Variants in TLN2 observed in about 807,000 individuals in gnomAD.
The protein encoded by TLN2 is talin-2.
In TLN2, 118 loss-of-function variants were observed where a neutral mutation model predicts 294.7. The observed-to-expected ratio is 0.40, with a 90% CI of 0.34 to 0.47. The LOEUF is 0.47. TLN2 is among the 20% of genes least tolerant of loss of function. The pLI is 0.84. For synonymous variants in TLN2, 1,431 were observed against 1,304.5 expected (o/e 1.10, Z -2.09); for missense variants, 3,083 against 3,282.2 (o/e 0.94, Z 1.48).
intron 1 of TLN2, among the ~76,000 whole-genome samples, chr15:62,411,542 TC>T (rs1023204514): frequency 6.6e-6 from 1 of 151,848 alleles, no homozygotes; most frequent in African/African-American, 2.4e-5. Flanking sequence ...TATTTTTTTT[TC>T]TTTTGGGTCA....
At chr15:62,407,851 G>A (rs2033507887) in intron 1 of TLN2, among the ~76,000 whole-genome samples, 1 of 152,108 alleles carries the variant, frequency 6.6e-6, no homozygotes, top group African/African-American at 2.4e-5. Context: ...GGAGGCAGAG[G>A]TTATGGTGAG....
intron 54 of TLN2, among the ~76,000 whole-genome samples, chr15:62,825,789 T>TATATTATATATATAATATATTA (rs1491491748): frequency 4.8e-5 from 4 of 83,596 alleles, no homozygotes; most frequent in African/African-American, 2.9e-4. Context: ...ATATTATATA[T>TATATTATATATATAATATATTA]TATAATATAT....
At chr15:62,541,302 T>C (rs562732267) in intron 1 of TLN2, among the ~76,000 whole-genome samples, 1 of 152,344 alleles carries the variant, frequency 6.6e-6, no homozygotes, top group East Asian at 1.9e-4. Context: ...GTAAATATCT[T>C]GTATTGACTA....
Position 62,783,807 on chromosome 15 carries a change from G to A in TLN2, c.5653G>A (p.Gly1885Arg), listed in dbSNP as rs2064403492. 5.0e-6 allele frequency: 8 copies of A among 1,612,056 alleles called. No homozygotes were observed. Among genetic ancestry groups the A allele is most frequent in the Non-Finnish European group, 6.8e-6 (8 of 1,178,286 alleles). Residue 1885 changes from glycine to arginine, a missense_variant, in exon 45 of 59, where the codon GGA becomes AGA. Transcript: ENST00000636159. ...GGTTACTAACCCGGAGGAGTTGGGA[G>A]GACTGGCTTCACAAATGACCAGTGA... is the stretch of plus-strand genomic sequence containing the variant. ...KSVTNPEELGGLASQMTSDYG... is the reference protein window; with the variant it reads ...KSVTNPEELGRLASQMTSDYG...
rs549331013 is a variant in TLN2 at position 62,841,895 on chromosome 15, T to C, written c.*1285T>C. 2 of 152,094 alleles carry C rather than the reference T, an allele frequency of 1.3e-5. No homozygotes were observed. The highest frequency in any genetic ancestry group is 2.9e-5 in the Non-Finnish European group (2 of 68,004). The allele number at this position is 152,094 out of a possible 1,614,324, so 9.4% of individuals were successfully genotyped here. On this transcript the variant is annotated 3_prime_UTR_variant, in exon 59 of 59. Coordinates refer to ENST00000636159, the MANE Select transcript of TLN2 (RefSeq NM_015059.3). The stretch of plus-strand genomic sequence containing the variant: ...CAGGAGTGTTTGAAAGAATTCATAG[T>C]GGGGAAGGTAAAAGTTAATGGAAGT...
At chr15:62,530,176 G>A (rs1326180743) in intron 1 of TLN2, among the ~76,000 whole-genome samples, 2 of 152,280 alleles carry the variant, frequency 1.3e-5, no homozygotes, top group East Asian at 3.9e-4. Context: ...GGGTGACAGA[G>A]CGAGACTCTG....
chr15:62,773,872 T>G (rs558339029), intron 42 of TLN2, among the ~76,000 whole-genome samples: 1 of 152,278 alleles, frequency 6.6e-6, no homozygotes, highest in South Asian at 2.1e-4. Context: ...ATAGTAGATA[T>G]GTTTTTTAAA....
At chr15:62,502,335 T>G (rs1180638330) in intron 1 of TLN2, among the ~76,000 whole-genome samples, 1 of 152,272 alleles carries the variant, frequency 6.6e-6, no homozygotes, top group Non-Finnish European at 1.5e-5. Context: ...AGGTTTGAAC[T>G]GCTGACTTCT....
chr15:62,557,054 T>C (rs1436415294), intron 1 of TLN2, among the ~76,000 whole-genome samples: 1 of 152,220 alleles, frequency 6.6e-6, no homozygotes, highest in African/African-American at 2.4e-5. Context: ...GAATTCCCCA[T>C]GTATAGGAGC....
intron 11 of TLN2, among the ~76,000 whole-genome samples, chr15:62,685,279 G>A (rs1404977832): frequency 2.0e-5 from 3 of 151,956 alleles, no homozygotes; most frequent in Admixed American, 6.6e-5. Flanking sequence ...TTTTAATAAT[G>A]TAGGGTAATC....
intron 12 of TLN2, among the ~76,000 whole-genome samples, chr15:62,690,981 C>T (rs951400184): frequency 6.9e-6 from 1 of 144,674 alleles, no homozygotes; most frequent in Admixed American, 6.9e-5. Context: ...CCAGCTTCGG[C>T]TCGGCATCAG....
At chr15:62,443,049 C>G (rs982700200) in intron 1 of TLN2, among the ~76,000 whole-genome samples, 1 of 152,124 alleles carries the variant, frequency 6.6e-6, no homozygotes, top group African/African-American at 2.4e-5. Flanking sequence ...TTTTCAGGAC[C>G]TTTGTGATTA....
At chr15:62,617,602 C>T (rs975462685) in intron 2 of TLN2, among the ~76,000 whole-genome samples, 4 of 152,170 alleles carry the variant, frequency 2.6e-5, no homozygotes, top group African/African-American at 9.7e-5. Context: ...TCAGAGATGC[C>T]ATCTCACAAG....
chr15:62,618,128 G>A (rs1015712913), intron 2 of TLN2, among the ~76,000 whole-genome samples: 12 of 152,234 alleles, frequency 7.9e-5, no homozygotes, highest in Admixed American at 7.9e-4. Flanking sequence ...TATGTGTTTG[G>A]TTTCTTCAAT....
intron 2 of TLN2, among the ~76,000 whole-genome samples, chr15:62,601,593 T>C (rs1273603879): frequency 6.6e-6 from 1 of 152,242 alleles, no homozygotes; most frequent in Non-Finnish European, 1.5e-5. Context: ...TGGCAATTGA[T>C]GATCATTGCC....
chr15:62,515,763 T>TC (rs1414932291), intron 1 of TLN2, among the ~76,000 whole-genome samples: 1 of 152,182 alleles, frequency 6.6e-6, no homozygotes, highest in East Asian at 1.9e-4. Flanking sequence ...TGTTTTTATA[T>TC]CAGACTCCAG....
rs1370585883 is a variant in TLN2, at chr15:62,757,148, A to G, written c.4638+1455A>G. On this transcript the variant is annotated intron_variant, in intron 37 of 58. Coordinates refer to ENST00000636159, the MANE Select transcript of TLN2 (RefSeq NM_015059.3). ...GCTTATCCCCATTTTACAGATGGGA[A>G]TCTGAGGCACAAAGAGGTTAAGTAA... Among the ~76,000 whole-genome samples the G allele has an allele frequency of 2.0e-4, 30 of 152,226 alleles. 1 individual carries two copies. The highest frequency in any genetic ancestry group is 2.0e-3 in the Admixed American group (30 of 15,290).
At chr15:62,500,069 G>T (rs1017678938) in intron 1 of TLN2, among the ~76,000 whole-genome samples, 1 of 151,946 alleles carries the variant, frequency 6.6e-6, no homozygotes, top group Non-Finnish European at 1.5e-5. Flanking sequence ...AGGCGCAGTG[G>T]CTCAAACCTG....
intron 11 of TLN2, among the ~76,000 whole-genome samples, chr15:62,684,609 G>T (rs1596704067): frequency 6.6e-6 from 1 of 152,094 alleles, no homozygotes; most frequent in Non-Finnish European, 1.5e-5. Flanking sequence ...CCATCTGAGG[G>T]TTACCAGATG....
Sources: gnomAD v4.1 joint callset for allele counts (sites outside exome capture counted in the v4.1 genomes callset) on GRCh38, gnomAD v4.1.1 for gene constraint, MANE v1.5 for transcripts, NCBI Gene and HGNC (gene_info 2026-07-23, HGNC 2026-07-21) for gene names.